Variants in ASIC2 observed in about 807,000 individuals in gnomAD.
The protein encoded by ASIC2 is acid-sensing ion channel 2.
A neutral mutation model predicts 57.3 loss-of-function variants in ASIC2; 25 were observed. That is an observed-to-expected ratio of 0.44 (90% confidence interval 0.32 to 0.61). The LOEUF is 0.61. Among genes scored for constraint, ASIC2 ranks in the 20% least tolerant of loss-of-function variants. ASIC2 has a pLI of 0.06. For missense variants in ASIC2, 641 were observed against 738.1 expected (o/e 0.87, Z 1.52); for synonymous variants, 319 against 307.5 (o/e 1.04, Z -0.39).
At chr17:34,095,403 T>A (rs1910481291) in intron 1 of ASIC2, among the ~76,000 whole-genome samples, 1 of 152,068 alleles carries the variant, frequency 6.6e-6, no homozygotes, top group Non-Finnish European at 1.5e-5. Flanking sequence ...AAAGGGTTGA[T>A]AAATAAATTC....
intron 5 of ASIC2, among the ~76,000 whole-genome samples, chr17:33,025,579 A>G (rs2141900712): frequency 6.6e-6 from 1 of 151,864 alleles, no homozygotes; most frequent in African/African-American, 2.4e-5. Flanking sequence ...CTGGCTGCCC[A>G]CTGTCTATCC....
At chr17:33,315,429 T>G (rs576607896) in intron 1 of ASIC2, among the ~76,000 whole-genome samples, 4 of 152,184 alleles carry the variant, frequency 2.6e-5, no homozygotes, top group African/African-American at 9.7e-5. Flanking sequence ...AACCCTGCAT[T>G]TGTATTCCAA....
At chr17:33,707,901 G>A (rs1205929912) in intron 1 of ASIC2, among the ~76,000 whole-genome samples, 2 of 152,154 alleles carry the variant, frequency 1.3e-5, no homozygotes, top group African/African-American at 4.8e-5. Context: ...TCTCTGTTGG[G>A]TCAGCTTGAC....
chr17:33,985,155 A>T (rs904688046), intron 1 of ASIC2, among the ~76,000 whole-genome samples: 4 of 152,102 alleles, frequency 2.6e-5, no homozygotes, highest in African/African-American at 9.7e-5. Context: ...GCATGGAGGG[A>T]TGTGAGTAGG....
intron 1 of ASIC2, among the ~76,000 whole-genome samples, chr17:33,556,654 T>C (rs1223573384): frequency 6.6e-6 from 1 of 152,200 alleles, no homozygotes; most frequent in Non-Finnish European, 1.5e-5. Context: ...TGGTAATGAG[T>C]GAGGCCTCTG....
chr17:33,378,027 C>G (rs763096475), intron 1 of ASIC2, among the ~76,000 whole-genome samples: 4 of 152,344 alleles, frequency 2.6e-5, no homozygotes, highest in Middle Eastern at 3.4e-3. Context: ...CAGATACCCC[C>G]TGGTAGGCAC....
intron 1 of ASIC2, among the ~76,000 whole-genome samples, chr17:34,045,443 G>T (rs1908300572): frequency 6.6e-6 from 1 of 152,174 alleles, no homozygotes; most frequent in Non-Finnish European, 1.5e-5. Flanking sequence ...TACCTGCTGA[G>T]ACTATACCAG....
chr17:33,545,325 C>T (rs6505349), intron 1 of ASIC2, among the ~76,000 whole-genome samples: 14,845 of 152,084 alleles, frequency 0.098, 1,904 homozygotes, highest in African/African-American at 0.3. Flanking sequence ...CATGTATGGG[C>T]TGTGATGACT....
At chr17:33,795,019 G>A (rs1278837997) in intron 1 of ASIC2, among the ~76,000 whole-genome samples, 1 of 152,170 alleles carries the variant, frequency 6.6e-6, no homozygotes, top group East Asian at 1.9e-4. Context: ...TTCAATTCAA[G>A]TCTGCATTTA....
intron 1 of ASIC2, among the ~76,000 whole-genome samples, chr17:33,618,824 C>T (rs1300192507): frequency 6.6e-6 from 1 of 152,214 alleles, no homozygotes; most frequent in Non-Finnish European, 1.5e-5. Flanking sequence ...CTCATCTGTG[C>T]TGAGTTACTT....
chr17:33,415,806 T>C (rs1168319025), intron 1 of ASIC2, among the ~76,000 whole-genome samples: 1 of 152,202 alleles, frequency 6.6e-6, no homozygotes, highest in African/African-American at 2.4e-5. Flanking sequence ...GTCCCCATGA[T>C]GCTGAGATGC....
chr17:33,950,263 G>A (rs1375283816), intron 1 of ASIC2, among the ~76,000 whole-genome samples: 1 of 152,210 alleles, frequency 6.6e-6, no homozygotes, highest in East Asian at 1.9e-4. Context: ...CCCACTCTCA[G>A]TGCAGACCCA....
intron 1 of ASIC2, among the ~76,000 whole-genome samples, chr17:34,085,288 G>A (rs1025477550): frequency 6.6e-6 from 1 of 152,148 alleles, no homozygotes; most frequent in Non-Finnish European, 1.5e-5. Context: ...TGCATCTATT[G>A]AGATAATCAT....
intron 1 of ASIC2, among the ~76,000 whole-genome samples, chr17:33,651,481 G>A (rs1449722631): frequency 2.0e-5 from 3 of 152,126 alleles, no homozygotes; most frequent in East Asian, 1.9e-4. Flanking sequence ...ATGTGCATTC[G>A]CAAGCTGCCC....
intron 1 of ASIC2, among the ~76,000 whole-genome samples, chr17:33,713,369 G>T (rs139659669): frequency 2.0e-5 from 3 of 152,350 alleles, no homozygotes; most frequent in African/African-American, 7.2e-5. Context: ...GGCTAGAGGG[G>T]AGGGTCCTTC....
intron 1 of ASIC2, among the ~76,000 whole-genome samples, chr17:34,098,624 C>G (rs879392169): frequency 2.0e-5 from 3 of 152,162 alleles, no homozygotes; most frequent in African/African-American, 7.2e-5. Context: ...GCTCAGACTG[C>G]TTTGATCACT....
intron 1 of ASIC2, among the ~76,000 whole-genome samples, chr17:33,911,331 T>C (rs1915457752): frequency 1.3e-5 from 2 of 152,184 alleles, no homozygotes; most frequent in Non-Finnish European, 2.9e-5. Context: ...GGCTCCATCA[T>C]GTCCAAGCTC....
intron 1 of ASIC2, among the ~76,000 whole-genome samples, chr17:33,683,287 C>T (rs893450475): frequency 2.0e-5 from 3 of 152,202 alleles, no homozygotes; most frequent in Non-Finnish European, 4.4e-5. Context: ...AGGATGGTCT[C>T]GATCTCCTGA....
At chr17:33,411,933 A>T (rs1910676350) in intron 1 of ASIC2, among the ~76,000 whole-genome samples, 1 of 152,228 alleles carries the variant, frequency 6.6e-6, no homozygotes, top group Admixed American at 6.5e-5. Flanking sequence ...TCGCAATCTT[A>T]TGAGTAGCCA....
Sources: gnomAD v4.1 joint callset for allele counts (sites outside exome capture counted in the v4.1 genomes callset) on GRCh38, gnomAD v4.1.1 for gene constraint, MANE v1.5 for transcripts, NCBI Gene and HGNC (gene_info 2026-07-23, HGNC 2026-07-21) for gene names.